The following UGGT2 variants were observed in gnomAD, a reference collection of about 807,000 sequenced individuals.
UGGT2 encodes UDP-glucose glycoprotein glucosyltransferase 2, also known as UDP-glucose:glycoprotein glucosyltransferase 2.
Under a neutral mutation model 192.1 loss-of-function variants are expected in UGGT2, and 180 were observed. That is an observed-to-expected ratio of 0.94 (90% confidence interval 0.83 to 1.06). The LOEUF (loss-of-function observed/expected upper bound fraction) is 1.06. Ranked by LOEUF, UGGT2 falls within the 50% of genes least tolerant of loss-of-function variation. The pLI is 0.00. For synonymous variants in UGGT2, 580 were observed against 591.0 expected, an observed-to-expected ratio of 0.98 and a Z score of 0.27; for missense variants, 1,849 against 1,795.7, an observed-to-expected ratio of 1.03 and a Z score of -0.54.
chr13:96,035,016 A>C (rs958974720), intron 1 of UGGT2, among the ~76,000 whole-genome samples: 9 of 152,136 alleles, frequency 5.9e-5, no homozygotes, highest in African/African-American at 1.4e-4. Context: ...CAAAGCCAAA[A>C]CCCTTATCAC....
intron 5 of UGGT2, among the ~76,000 whole-genome samples, chr13:96,011,627 G>A (rs1229026546): frequency 6.6e-6 from 1 of 152,064 alleles, no homozygotes; most frequent in Non-Finnish European, 1.5e-5. Context: ...TTATTATGAA[G>A]TTAAACACTG....
chr13:95,942,713 ATGTAT>A (rs1361582040), intron 15 of UGGT2, among the ~76,000 whole-genome samples: 8 of 152,282 alleles, frequency 5.3e-5, no homozygotes, highest in Admixed American at 3.3e-4. Flanking sequence ...TATTGGCCAT[ATGTAT>A]TGTAAATACT....
chr13:95,957,779 C>G (rs1226766690), intron 12 of UGGT2, among the ~76,000 whole-genome samples: 4 of 152,202 alleles, frequency 2.6e-5, no homozygotes, highest in Non-Finnish European at 5.9e-5. Context: ...AATTACTGCA[C>G]TAATTTTCTG....
chr13:95,869,937 G>C (rs1180717468), intron 29 of UGGT2, among the ~76,000 whole-genome samples: 1 of 152,100 alleles, frequency 6.6e-6, no homozygotes, highest in Non-Finnish European at 1.5e-5. Context: ...ACTTATACAT[G>C]TGTCTCCTGA....
rs146577874 is a variant in UGGT2, at chr13:96,013,202, A to G, written c.660+105T>C. The G allele has an allele frequency of 2.4e-4, 269 of 1,143,416 alleles. 4 individuals are homozygous for G. The East Asian group carries it at 7.9e-3, about 34-fold the overall frequency. The allele number at this position is 1,143,416 out of a possible 1,614,324, so 70.8% of individuals were successfully genotyped here. On this transcript the variant is annotated intron_variant, in intron 5 of 38. Coordinates refer to ENST00000376747, the MANE Select transcript of UGGT2 (RefSeq NM_020121.4). ...CATTTGTTAAGTTAAAAAAAGTTAGATAACTATTCTGGTGAAAATTAATAT... is the reference window on the plus strand; with the variant it reads ...CATTTGTTAAGTTAAAAAAAGTTAGGTAACTATTCTGGTGAAAATTAATAT...
At chr13:96,007,178 AC>A (rs1566818121) in intron 5 of UGGT2, among the ~76,000 whole-genome samples, 2 of 152,212 alleles carry the variant, frequency 1.3e-5, no homozygotes, top group African/African-American at 2.4e-5. Flanking sequence ...TATTAAAAGA[AC>A]CAAGAACACA....
intron 36 of UGGT2, among the ~76,000 whole-genome samples, chr13:95,851,273 G>C (rs553630565): frequency 4.0e-4 from 61 of 152,290 alleles, no homozygotes; most frequent in Non-Finnish European, 6.6e-4. Flanking sequence ...GTAAGTTTTG[G>C]TCATTAATGT....
intron 17 of UGGT2, among the ~76,000 whole-genome samples, chr13:95,930,473 G>C (rs1205573680): frequency 5.3e-5 from 8 of 152,142 alleles, no homozygotes. Context: ...AGTTTTGTTT[G>C]CATATGGCTA....
intron 36 of UGGT2, among the ~76,000 whole-genome samples, chr13:95,846,172 C>T (rs953852275): frequency 1.3e-5 from 2 of 152,180 alleles, no homozygotes; most frequent in African/African-American, 2.4e-5. Flanking sequence ...TGTGCAATCC[C>T]GGCACCTCGG....
At chr13:95,971,532 C>A (rs541136544) in intron 11 of UGGT2, among the ~76,000 whole-genome samples, 1 of 151,970 alleles carries the variant, frequency 6.6e-6, no homozygotes, top group Non-Finnish European at 1.5e-5. Flanking sequence ...CTAAATTATA[C>A]GTGAAAATAT....
At chr13:95,858,147 T>C (rs530329548) in intron 33 of UGGT2, among the ~76,000 whole-genome samples, 4 of 151,900 alleles carry the variant, frequency 2.6e-5, no homozygotes, top group African/African-American at 9.7e-5. Flanking sequence ...AGCTGTTTCA[T>C]ATCAGGCCTA....
Position 95,974,408 on chromosome 13 carries a change from G to A in UGGT2, c.1093-1737C>T, listed in dbSNP as rs186451914. On this transcript the variant is annotated intron_variant, in intron 10 of 38. Coordinates refer to ENST00000376747, the MANE Select transcript of UGGT2 (RefSeq NM_020121.4). Reference sequence around the variant, plus strand: ...AGCACCTCATACATTCGTTTTAGTGGAGCTCAATTGTAAGTACAAAGTACA... The same window carrying A: ...AGCACCTCATACATTCGTTTTAGTGAAGCTCAATTGTAAGTACAAAGTACA... 3.1e-3 allele frequency among the ~76,000 whole-genome samples: 478 copies of A among 152,210 alleles called. 3 individuals are homozygous for A. Among genetic ancestry groups the A allele is most frequent in the African/African-American group, 0.011 (456 of 41,542 alleles).
rs4299020 is a variant in UGGT2, at chr13:96,050,925, G to A, written c.158+2230C>T. The stretch of plus-strand genomic sequence containing the variant: ...CAACCATTGTGGAAGACATTGTGGC[G>A]ATTCCTCAAGGATGTAGGACTAGAA... On this transcript the variant is annotated intron_variant, in intron 1 of 38. Coordinates refer to ENST00000376747, the MANE Select transcript of UGGT2 (RefSeq NM_020121.4). Among the ~76,000 whole-genome samples the A allele has an allele frequency of 8.9e-3, 1,357 of 152,296 alleles. 45 individuals carry two copies. Among genetic ancestry groups the A allele is most frequent in the East Asian group, 0.052 (270 of 5,192 alleles).
intron 31 of UGGT2, 177 bp downstream of exon 31, chr13:95,863,452 C>T (rs1890348723): frequency 3.8e-6 from 2 of 529,020 alleles, no homozygotes; most frequent in East Asian, 2.9e-5. Context: ...TTATTTTCAT[C>T]TGTCTTATAG....
At chr13:95,872,683 T>C (rs934919793) in intron 29 of UGGT2, among the ~76,000 whole-genome samples, 1 of 152,208 alleles carries the variant, frequency 6.6e-6, no homozygotes, top group Non-Finnish European at 1.5e-5. Context: ...TTATTTCTAC[T>C]GCCAAAAGTT....
chr13:95,877,991 T>C (rs1316929586), intron 27 of UGGT2, 135 bp from the exon 28 acceptor site: 9 of 862,344 alleles, frequency 1.0e-5, no homozygotes, highest in African/African-American at 3.4e-5. Flanking sequence ...ATTTTACACA[T>C]GAGTGAATTC....
chr13:95,877,927 A>G, intron 27 of UGGT2, 71 bp from the exon 28 acceptor site: 10 of 1,440,072 alleles, frequency 6.9e-6, no homozygotes, highest in Non-Finnish European at 9.3e-6. Flanking sequence ...AAATAAATAA[A>G]TGTGATTATT....
At chr13:96,038,102 A>C (rs1025657349) in intron 1 of UGGT2, among the ~76,000 whole-genome samples, 2 of 152,238 alleles carry the variant, frequency 1.3e-5, no homozygotes, top group African/African-American at 4.8e-5. Flanking sequence ...TCCTCTCTGG[A>C]TTTTCCAAGG....
At chr13:95,802,295 G>A (rs1456498554) in intron 38 of UGGT2, among the ~76,000 whole-genome samples, 2 of 152,156 alleles carry the variant, frequency 1.3e-5, no homozygotes, top group African/African-American at 2.4e-5. Context: ...CAATTCTGAT[G>A]AGACTCTCAG....
Sources: allele counts gnomAD v4.1 joint callset (sites outside exome capture counted in the v4.1 genomes callset), GRCh38; gene constraint gnomAD v4.1.1; transcripts MANE v1.5; gene names NCBI Gene and HGNC (gene_info 2026-07-23, HGNC 2026-07-21).